DAP: variants seen among roughly 807,000 people sequenced by gnomAD.
The protein encoded by DAP is death associated protein.
Under a neutral mutation model 13.8 loss-of-function variants are expected in DAP, and 8 were observed. That is an observed-to-expected ratio of 0.58 (90% confidence interval 0.34 to 1.05). The LOEUF (loss-of-function observed/expected upper bound fraction) is 1.05, where lower values mean the gene tolerates loss of function less well. Among genes scored for constraint, DAP ranks in the 50% least tolerant of loss-of-function variants. The probability of loss-of-function intolerance (pLI) is 0.03; values close to 1 mark genes in which losing one functional copy is unlikely to be tolerated. For synonymous variants in DAP, 47 were observed against 47.5 expected, an observed-to-expected ratio of 0.99 and a Z score of 0.04; for missense variants, 106 against 133.2, an observed-to-expected ratio of 0.80 and a Z score of 1.01.
chr5:10,716,505 G>C (rs964783485), intron 2 of DAP, among the ~76,000 whole-genome samples: 4 of 152,152 alleles, frequency 2.6e-5, no homozygotes, highest in African/African-American at 9.7e-5. Context: ...GGCTGGAGAA[G>C]GCAGACTCAC....
intron 2 of DAP, among the ~76,000 whole-genome samples, chr5:10,710,545 C>A (rs544499288): frequency 6.6e-6 from 1 of 152,270 alleles, no homozygotes; most frequent in South Asian, 2.1e-4. Context: ...CCTCTGGCAT[C>A]GGGCCTGGAA....
At chr5:10,738,637 T>C (rs1168376020) in intron 2 of DAP, among the ~76,000 whole-genome samples, 2 of 152,252 alleles carry the variant, frequency 1.3e-5, no homozygotes, top group Non-Finnish European at 2.9e-5. Context: ...TGGATAACTG[T>C]TCTAGATTAA....
chr5:10,730,329 A>T (rs1739409195), intron 2 of DAP, among the ~76,000 whole-genome samples: 1 of 152,238 alleles, frequency 6.6e-6, no homozygotes, highest in African/African-American at 2.4e-5. Flanking sequence ...GAAAACAGCT[A>T]AGGGCTGCTG....
At chr5:10,715,878 A>G (rs978655067) in intron 2 of DAP, among the ~76,000 whole-genome samples, 3 of 152,244 alleles carry the variant, frequency 2.0e-5, no homozygotes, top group African/African-American at 7.2e-5. Flanking sequence ...CACACGTAAC[A>G]ATTAATTTGA....
chr5:10,759,861 TCTC>T (rs1271896985), intron 1 of DAP, among the ~76,000 whole-genome samples: 1 of 147,044 alleles, frequency 6.8e-6, no homozygotes. Flanking sequence ...TTCAAGCCAT[TCTC>T]CTGCCTCGGC....
At chr5:10,697,667 A>G (rs1249886263) in intron 2 of DAP, among the ~76,000 whole-genome samples, 5 of 152,210 alleles carry the variant, frequency 3.3e-5, no homozygotes, top group African/African-American at 1.2e-4. Context: ...TGGCTCTAAA[A>G]AGGAAAATGA....
chr5:10,699,019 A>G (rs1164609435), intron 2 of DAP, among the ~76,000 whole-genome samples: 1 of 152,232 alleles, frequency 6.6e-6, no homozygotes, highest in Non-Finnish European at 1.5e-5. Context: ...TAAAAGTCCC[A>G]AAGATAAAAA....
chr5:10,735,467 A>G (rs1407431761), intron 2 of DAP, among the ~76,000 whole-genome samples: 101 of 152,366 alleles, frequency 6.6e-4, no homozygotes. Flanking sequence ...TAGAAATAGC[A>G]AGACATTTAA....
At chr5:10,713,886 T>A (rs1222028763) in intron 2 of DAP, among the ~76,000 whole-genome samples, 1 of 152,198 alleles carries the variant, frequency 6.6e-6, no homozygotes, top group Admixed American at 6.5e-5. Flanking sequence ...GCAGTCAAGA[T>A]CCCATCAGGC....
chr5:10,747,082 G>A (rs1388695615), intron 2 of DAP, among the ~76,000 whole-genome samples: 1 of 152,208 alleles, frequency 6.6e-6, no homozygotes, highest in East Asian at 1.9e-4. Context: ...GGAATGAAAT[G>A]AAATAAAAGC....
intron 1 of DAP, among the ~76,000 whole-genome samples, chr5:10,755,002 A>C (rs1239498005): frequency 6.6e-6 from 1 of 152,190 alleles, no homozygotes; most frequent in Non-Finnish European, 1.5e-5. Context: ...TCATCAGCTG[A>C]CTGTAAGCTG....
intron 1 of DAP, among the ~76,000 whole-genome samples, chr5:10,757,126 A>AT (rs1740208323): frequency 1.3e-5 from 2 of 152,316 alleles, no homozygotes; most frequent in South Asian, 4.1e-4. Context: ...AAACTGCCTC[A>AT]TTCGTCTCCC....
intron 2 of DAP, among the ~76,000 whole-genome samples, chr5:10,703,559 TCTAA>T (rs1278765057): frequency 6.6e-6 from 1 of 152,160 alleles, no homozygotes; most frequent in Non-Finnish European, 1.5e-5. Flanking sequence ...AACTCTTTAC[TCTAA>T]CAATTAAAAG....
chr5:10,700,742 G>T (rs571050465), intron 2 of DAP, among the ~76,000 whole-genome samples: 22 of 152,204 alleles, frequency 1.4e-4, no homozygotes, highest in Non-Finnish European at 2.9e-4. Context: ...GCCTTGCTGC[G>T]GCAAGAGGGT....
intron 2 of DAP, among the ~76,000 whole-genome samples, chr5:10,708,192 T>C (rs941443192): frequency 1.3e-5 from 2 of 152,182 alleles, no homozygotes; most frequent in South Asian, 2.1e-4. Context: ...TACTCTGGAA[T>C]TGCTTAAAAG....
Position 10,756,151 on chromosome 5 carries a change from C to CA in DAP, c.55+4862dup, listed in dbSNP as rs1453808952. ...AGAGACCCTGTCTAGACAAGAACAA[C>CA]AAAAAAAGGCTAGGGAAGAGGTGAA... On this transcript the variant is annotated intron_variant, in intron 1 of 3. Transcript: ENST00000230895. Among the ~76,000 whole-genome samples, 5 of 93,958 alleles carry CA rather than the reference C, an allele frequency of 5.3e-5. 2 individuals are homozygous for CA. Among genetic ancestry groups the CA allele is most frequent in the South Asian group, 3.4e-4 (1 of 2,926 alleles). 61.6% of individuals were successfully genotyped at this position (93,958 alleles called of 152,430 possible). A position where few individuals can be genotyped will look rare whatever the true frequency, so the allele number is the denominator to read the frequency against.
Position 10,680,575 on chromosome 5 carries a change from A to C in DAP, c.*481T>G. ...TTTGGCATTGCTGTTCCCTGCCTCT[A>C]AGGTCCTTTATGAGGGGCCGCCCAA... On this transcript the variant is annotated 3_prime_UTR_variant, in exon 4 of 4. Transcript: ENST00000230895. 1 of 700,514 alleles carries C rather than the reference A, an allele frequency of 1.4e-6. No homozygotes were observed. 43.4% of individuals were successfully genotyped at this position (700,514 alleles called of 1,614,324 possible).
intron 2 of DAP, among the ~76,000 whole-genome samples, chr5:10,703,666 G>A (rs1199122408): frequency 1.3e-5 from 2 of 152,312 alleles, no homozygotes; most frequent in East Asian, 1.9e-4. Context: ...AATTCATAAC[G>A]GACTGGTACA....
chr5:10,741,790 C>T (rs1253325522), intron 2 of DAP, among the ~76,000 whole-genome samples: 7 of 152,192 alleles, frequency 4.6e-5, no homozygotes, highest in East Asian at 1.9e-4. Context: ...GGCAGAGCAG[C>T]GAAGGCTTTT....
Sources: allele counts gnomAD v4.1 joint callset (sites outside exome capture counted in the v4.1 genomes callset), GRCh38; gene constraint gnomAD v4.1.1; transcripts MANE v1.5; gene names NCBI Gene and HGNC (gene_info 2026-07-23, HGNC 2026-07-21).